The following MAML3 variants were observed in gnomAD, a reference collection of about 807,000 sequenced individuals.
MAML3 encodes the protein mastermind-like protein 3.
A neutral mutation model predicts 101.9 loss-of-function variants in MAML3; 27 were observed. The ratio of observed to expected loss-of-function variants is 0.27; its 90% CI spans 0.20 to 0.37. The LOEUF is 0.37. Ranked by LOEUF, MAML3 falls within the 10% of genes least tolerant of loss-of-function variation. The pLI, the probability that MAML3 is intolerant of heterozygous loss-of-function variation, is 1.00. For missense variants in MAML3, 1,316 were observed against 1,444.9 expected (o/e 0.91, Z 1.45); for synonymous variants, 501 against 555.9 (o/e 0.90, Z 1.39).
chr4:140,122,805 A>C lies in MAML3; in HGVS notation c.468+30055T>G, dbSNP rs1001649133. Among the ~76,000 whole-genome samples the C allele has an allele frequency of 5.3e-3, 800 of 152,146 alleles. 12 individuals carry two copies. The highest frequency in any genetic ancestry group is 0.018 in the African/African-American group (759 of 41,510). ...AGACTCCGTCTCAAAAAAAAAAAAA[A>C]AAAAAACCATTTTGAAAATCTAAAA... On this transcript the variant is annotated intron_variant, in intron 1 of 4. Transcript: ENST00000509479.
At chr4:140,123,949 C>G (rs898079404) in intron 1 of MAML3, among the ~76,000 whole-genome samples, 1 of 152,110 alleles carries the variant, frequency 6.6e-6, no homozygotes, top group African/African-American at 2.4e-5. Flanking sequence ...GTTTTTGCAT[C>G]GTATTTCACA....
intron 1 of MAML3, among the ~76,000 whole-genome samples, chr4:140,081,495 A>T (rs1477757427): frequency 3.3e-5 from 5 of 152,236 alleles, no homozygotes; most frequent in Non-Finnish European, 4.4e-5. Flanking sequence ...TTTCAAGTTC[A>T]ATAACATAAA....
chr4:139,796,670 C>G (rs1457357265), intron 2 of MAML3, among the ~76,000 whole-genome samples: 1 of 152,134 alleles, frequency 6.6e-6, no homozygotes, highest in East Asian at 1.9e-4. Context: ...CTTGCCCTAC[C>G]AGAACCTAGA....
intron 1 of MAML3, among the ~76,000 whole-genome samples, chr4:140,115,271 T>G (rs1052366694): frequency 2.6e-5 from 4 of 152,210 alleles, no homozygotes; most frequent in African/African-American, 2.4e-5. Context: ...TTTTAAGTCT[T>G]AAATTACTTC....
At chr4:139,835,755 T>A (rs1420304099) in intron 2 of MAML3, among the ~76,000 whole-genome samples, 1 of 152,260 alleles carries the variant, frequency 6.6e-6, no homozygotes, top group Non-Finnish European at 1.5e-5. Context: ...CCCCCAAAGT[T>A]TCATATAACT....
At chr4:139,809,582 C>T (rs986627613) in intron 2 of MAML3, among the ~76,000 whole-genome samples, 7 of 152,094 alleles carry the variant, frequency 4.6e-5, no homozygotes, top group Admixed American at 1.3e-4. Flanking sequence ...GGGCCTGGGG[C>T]GGGAAACAAG....
chr4:140,133,565 T>A (rs1428126592), intron 1 of MAML3, among the ~76,000 whole-genome samples: 1 of 152,120 alleles, frequency 6.6e-6, no homozygotes, highest in Admixed American at 6.5e-5. Flanking sequence ...ATTAAATAAT[T>A]ATAATACAAA....
At chr4:139,727,662 G>C (rs1191837415) in intron 3 of MAML3, among the ~76,000 whole-genome samples, 1 of 152,220 alleles carries the variant, frequency 6.6e-6, no homozygotes, top group Non-Finnish European at 1.5e-5. Flanking sequence ...GAGAGGTTAT[G>C]TGCTTTGAAC....
At chr4:139,918,143 G>A (rs535148243) in intron 1 of MAML3, among the ~76,000 whole-genome samples, 5 of 152,164 alleles carry the variant, frequency 3.3e-5, no homozygotes, top group African/African-American at 4.8e-5. Flanking sequence ...TCCACTAGCC[G>A]TTTTTCCCAT....
intron 1 of MAML3, among the ~76,000 whole-genome samples, chr4:140,039,081 C>A (rs1727036138): frequency 6.6e-6 from 1 of 151,876 alleles, no homozygotes; most frequent in Admixed American, 6.6e-5. Flanking sequence ...ATCGATCGTG[C>A]CACTGCACTC....
chr4:140,089,746 C>A (rs1728013412), intron 1 of MAML3, among the ~76,000 whole-genome samples: 1 of 152,110 alleles, frequency 6.6e-6, no homozygotes, highest in African/African-American at 2.4e-5. Context: ...ATTGGAGGTA[C>A]AGGGGATTGT....
intron 2 of MAML3, among the ~76,000 whole-genome samples, chr4:139,820,321 G>C (rs959545360): frequency 2.0e-5 from 3 of 152,140 alleles, no homozygotes; most frequent in Non-Finnish European, 4.4e-5. Flanking sequence ...TTAAGGTCAA[G>C]AAGAAAAATA....
Position 140,153,311 on chromosome 4 carries a change from G to A in MAML3, c.17C>T (p.Ala6Val). 6.3e-7 allele frequency: 1 copy of A among 1,595,564 alleles called. No homozygotes were observed. The highest frequency in any genetic ancestry group is 8.5e-7 in the Non-Finnish European group (1 of 1,170,092). ...ACTGCCATTCGCGGCAGCAGCGGGG[G>A]CTGCGAAATCCCCCATCCTGCTCCC... MGDFAAPAAAANGSSI... is the reference protein window; with the variant it reads MGDFAVPAAAANGSSI... The change falls in exon 1 of 5, where the codon GCC becomes GTC. Residue 6 changes from alanine (A) to valine (V), a missense_variant. Coordinates refer to ENST00000509479, the MANE Select transcript of MAML3 (RefSeq NM_018717.5).
chr4:140,086,005 T>A (rs1321837873), intron 1 of MAML3, among the ~76,000 whole-genome samples: 1 of 152,254 alleles, frequency 6.6e-6, no homozygotes, highest in East Asian at 1.9e-4. Context: ...ATTTTGGCTC[T>A]AACTAAAACT....
chr4:140,154,112 G>GCCGCCA lies in MAML3; in HGVS notation c.-786_-785insTGGCGG. ...CCATCACAATGATCAACTGCTCGCC[G>GCCGCCA]CCGCCGCCGCCGCCGCCTCCTCCTC... On this transcript the variant is annotated 5_prime_UTR_variant, in exon 1 of 5. Transcript: ENST00000509479. 1 of 180,272 alleles carries GCCGCCA rather than the reference G, an allele frequency of 5.5e-6. No individual in the cohort carries two copies. The allele number at this position is 180,272 out of a possible 1,614,324, so 11.2% of individuals were successfully genotyped here.
At chr4:140,011,753 T>C (rs567131926) in intron 1 of MAML3, among the ~76,000 whole-genome samples, 2 of 152,334 alleles carry the variant, frequency 1.3e-5, no homozygotes, top group East Asian at 1.9e-4. Context: ...TCTCTGCCTG[T>C]TTGTGCACTG....
chr4:139,760,356 G>A (rs1371313962), intron 2 of MAML3, among the ~76,000 whole-genome samples: 1 of 152,184 alleles, frequency 6.6e-6, no homozygotes, highest in African/African-American at 2.4e-5. Context: ...TTCAGGATGG[G>A]AGGCAGGGAA....
intron 1 of MAML3, among the ~76,000 whole-genome samples, chr4:140,033,891 A>G (rs1726945101): frequency 6.6e-6 from 1 of 152,208 alleles, no homozygotes; most frequent in Non-Finnish European, 1.5e-5. Context: ...TTATTTTAAA[A>G]TCTTTGTGAG....
intron 2 of MAML3, among the ~76,000 whole-genome samples, chr4:139,751,372 C>A (rs1043015367): frequency 6.6e-6 from 1 of 152,020 alleles, no homozygotes; most frequent in South Asian, 2.1e-4. Context: ...GGAATGGGAC[C>A]CAAGTCTAAA....
Sources: allele counts gnomAD v4.1 joint callset (sites outside exome capture counted in the v4.1 genomes callset), GRCh38; gene constraint gnomAD v4.1.1; transcripts MANE v1.5; gene names NCBI Gene and HGNC (gene_info 2026-07-23, HGNC 2026-07-21).